Variants in EML6 observed in about 807,000 individuals in gnomAD.
EML6 encodes echinoderm microtubule-associated protein-like 6.
EML6 carries 154 observed loss-of-function variants against 240.1 expected under a neutral mutation model. That is an observed-to-expected ratio of 0.64 (90% CI 0.56 to 0.73). The LOEUF is 0.73. EML6 is among the 30% of genes least tolerant of loss of function. The pLI is 0.00. For missense variants in EML6, 2,964 were observed against 2,474.6 expected, an observed-to-expected ratio of 1.20 and a Z score of -4.20; for synonymous variants, 1,148 against 899.0, an observed-to-expected ratio of 1.28 and a Z score of -4.95.
In EML6 at chr2:54,910,962, T is replaced by C. The variant is rs770100586; in HGVS notation, c.3418T>C (p.Leu1140=). The C allele has an allele frequency of 6.5e-7, 1 of 1,529,926 alleles. No homozygotes were observed. The highest frequency in any genetic ancestry group is 1.2e-5 in the South Asian group (1 of 81,616). The allele number at this position is 1,529,926 out of a possible 1,614,324, so 94.8% of individuals were successfully genotyped here. A position where few individuals can be genotyped will look rare whatever the true frequency, so the allele number is the denominator to read the frequency against. ...HIDWDSRGKL[L]QVNSGAREQL... is the part of the protein sequence containing the mutation. ...TCGTTCTGTCGTAACAGGAAAATTA[T>C]TGCAAGTGAATTCAGGTGCCAGAGA... Residue 1140 remains leucine, a synonymous_variant, in exon 25 of 42, where the codon TTG becomes CTG. Transcript: ENST00000356458.
At chr2:54,872,365 A>G (rs1247458753) in intron 16 of EML6, among the ~76,000 whole-genome samples, 3 of 152,212 alleles carry the variant, frequency 2.0e-5, no homozygotes, top group African/African-American at 7.2e-5. Context: ...AATTTTATTC[A>G]AATGCTTAAT....
chr2:54,862,338 T>TTAA (rs1491264747), intron 12 of EML6, among the ~76,000 whole-genome samples: 1,015 of 37,746 alleles, frequency 0.027, 21 homozygotes, highest in Non-Finnish European at 0.039. Flanking sequence ...ACTCCATCTC[T>TTAA]AAAAAAAAAA....
chr2:54,912,863 T>C (rs1237308278), intron 25 of EML6, among the ~76,000 whole-genome samples: 1 of 152,226 alleles, frequency 6.6e-6, no homozygotes, highest in Non-Finnish European at 1.5e-5. Context: ...AGTGCTGCAA[T>C]GAATATATGA....
intron 15 of EML6, among the ~76,000 whole-genome samples, chr2:54,870,801 C>T (rs1404654801): frequency 1.3e-5 from 2 of 152,164 alleles, no homozygotes; most frequent in Non-Finnish European, 2.9e-5. Flanking sequence ...GAGACTGGGC[C>T]TCCACAGACC....
intron 2 of EML6, among the ~76,000 whole-genome samples, chr2:54,801,420 T>C (rs1181371699): frequency 6.6e-6 from 1 of 152,192 alleles, no homozygotes; most frequent in Non-Finnish European, 1.5e-5. Flanking sequence ...AGCCTTGGCC[T>C]GAAGTGATGC....
At chr2:54,953,902 AG>A in intron 31 of EML6, 80 bp from the exon 32 acceptor site, 2 of 1,097,908 alleles carry the variant, frequency 1.8e-6, no homozygotes, top group South Asian at 1.7e-5. Flanking sequence ...AAAAAAAAAA[AG>A]GCTTTTACAT....
intron 5 of EML6, among the ~76,000 whole-genome samples, chr2:54,820,719 G>A (rs942297935): frequency 2.0e-5 from 3 of 152,124 alleles, no homozygotes; most frequent in African/African-American, 4.8e-5. Flanking sequence ...ATTAAATATC[G>A]AACTGAAGAC....
intron 16 of EML6, among the ~76,000 whole-genome samples, chr2:54,875,399 T>A (rs890842025): frequency 5.9e-5 from 9 of 152,214 alleles, no homozygotes; most frequent in Non-Finnish European, 8.8e-5. Context: ...CAGTTACGAT[T>A]TAGCTAGTGC....
chr2:54,962,650 A>C lies in EML6; in HGVS notation c.5096A>C (p.Lys1699Thr). 1 of 1,539,662 alleles carries C rather than the reference A, an allele frequency of 6.5e-7. No individual in the cohort carries two copies. Among genetic ancestry groups the C allele is most frequent in the Non-Finnish European group, 8.8e-7 (1 of 1,141,400 alleles). ...TGGGGCCTGGCCACTCACCCTTCCA[A>C]GGACCTCTTCATCTCTGCCAGCAAC... ...EIWGLATHPS[K>T]DLFISASNDG... Residue 1699 changes from lysine (K) to threonine (T), a missense_variant, in exon 36 of 42, where the codon AAG (lysine) becomes ACG (threonine). By Grantham distance (78) the Lys-to-Thr change is moderately conservative. Coordinates refer to ENST00000356458, the MANE Select transcript of EML6 (RefSeq NM_001039753.4).
chr2:54,729,461 A>T (rs1445684938), intron 2 of EML6, among the ~76,000 whole-genome samples: 1 of 152,264 alleles, frequency 6.6e-6, no homozygotes, highest in Non-Finnish European at 1.5e-5. Flanking sequence ...TGCCAAACTC[A>T]GAACTAAATG....
At chr2:54,783,987 T>C (rs114257409) in intron 2 of EML6, among the ~76,000 whole-genome samples, 2 of 152,308 alleles carry the variant, frequency 1.3e-5, no homozygotes, top group Non-Finnish European at 2.9e-5. Context: ...CTTGTGGTAT[T>C]GCCCAGGCTG....
At chr2:54,723,627 C>T (rs893693389), upstream of EML6, 2 of 152,264 alleles carry the variant, frequency 1.3e-5, no homozygotes, top group African/African-American at 4.8e-5. Flanking sequence ...CCCGGAGCCC[C>T]GGCTGGAGGA....
At chr2:54,901,001 A>G (rs1285709818) in intron 22 of EML6, among the ~76,000 whole-genome samples, 2 of 152,230 alleles carry the variant, frequency 1.3e-5, no homozygotes, top group African/African-American at 2.4e-5. Context: ...ATAAGCAGAC[A>G]TGAGGATTGT....
chr2:54,939,825 G>C (rs1675337276), intron 28 of EML6, among the ~76,000 whole-genome samples: 1 of 152,188 alleles, frequency 6.6e-6, no homozygotes, highest in Admixed American at 6.5e-5. Context: ...AATTCTCTGT[G>C]AAGAGAGGGG....
At chr2:54,792,874 G>A (rs184955109) in intron 2 of EML6, among the ~76,000 whole-genome samples, 31 of 152,276 alleles carry the variant, frequency 2.0e-4, no homozygotes, top group African/African-American at 6.3e-4. Context: ...GGAAGTAGTA[G>A]TTACTTCTGT....
Position 54,959,146 on chromosome 2 carries a change from G to A in EML6, c.4738G>A (p.Val1580Ile), listed in dbSNP as rs368681630. 1.2e-5 allele frequency: 18 copies of A among 1,551,444 alleles called. No individual in the cohort carries two copies. Among genetic ancestry groups the A allele is most frequent in the Middle Eastern group, 1.7e-4 (1 of 6,012 alleles). ...GGGTGCCATCAATGGAGATGTCTACGTCTGGAAGGACCACTTCCTCATCCG... is the reference window on the plus strand; with the variant it reads ...GGGTGCCATCAATGGAGATGTCTACATCTGGAAGGACCACTTCCTCATCCG... ...FTGAINGDVY[V>I]WKDHFLIRLV... Residue 1580 changes from valine to isoleucine, a missense_variant, in exon 34 of 42, where the codon GTC becomes ATC. Physicochemically the swap from Val to Ile is conservative, Grantham distance 29 (BLOSUM62 3). Transcript: ENST00000356458.
intron 28 of EML6, among the ~76,000 whole-genome samples, chr2:54,932,806 C>T (rs935399568): frequency 6.6e-6 from 1 of 152,136 alleles, no homozygotes; most frequent in African/African-American, 2.4e-5. Context: ...TTGCTTGGTA[C>T]CAAATTACTA....
intron 32 of EML6, among the ~76,000 whole-genome samples, chr2:54,957,091 T>G (rs1028220929): frequency 6.6e-6 from 1 of 152,136 alleles, no homozygotes; most frequent in Non-Finnish European, 1.5e-5. Context: ...GCACTGCACC[T>G]TCTGAAATAG....
rs1191563628 is a variant in EML6 at position 54,853,684 on chromosome 2, C to G, written c.1486C>G (p.Pro496Ala). ...AAGTAAAGAAGAAATTAAAGGGATT[C>G]CTTGGGCCTCCTGGACATGCGTGAA... ...LTSKEEIKGI[P>A]WASWTCVKGP... is the part of the protein sequence containing the mutation. Residue 496 changes from proline to alanine, a missense_variant, in exon 11 of 42, where the codon CCT becomes GCT. By Grantham distance (27) the Pro-to-Ala change is conservative. Coordinates refer to ENST00000356458, the MANE Select transcript of EML6 (RefSeq NM_001039753.4). The G allele has an allele frequency of 2.6e-6, 4 of 1,549,778 alleles. No individual in the cohort carries two copies. The highest frequency in any genetic ancestry group is 4.9e-5 in the East Asian group (2 of 40,864).
Sources: gnomAD v4.1 joint callset for allele counts (sites outside exome capture counted in the v4.1 genomes callset) on GRCh38, gnomAD v4.1.1 for gene constraint, MANE v1.5 for transcripts, NCBI Gene and HGNC (gene_info 2026-07-23, HGNC 2026-07-21) for gene names.